CIAPIN1: variants seen among roughly 807,000 people sequenced by gnomAD.
The protein encoded by CIAPIN1 is cytokine induced apoptosis inhibitor 1, also known as anamorsin.
In CIAPIN1, 18 loss-of-function variants were observed where a neutral mutation model predicts 34.3. The observed-to-expected ratio is 0.52, with a 90% CI of 0.36 to 0.78. The LOEUF (loss-of-function observed/expected upper bound fraction) is 0.78. Among genes scored for constraint, CIAPIN1 ranks in the 30% least tolerant of loss-of-function variants. The probability of loss-of-function intolerance (pLI) is 0.00; values close to 1 mark genes in which losing one functional copy is unlikely to be tolerated. For synonymous variants in CIAPIN1, 131 were observed against 140.4 expected, an observed-to-expected ratio of 0.93 and a Z score of 0.47; for missense variants, 310 against 372.5, an observed-to-expected ratio of 0.83 and a Z score of 1.38.
intron 6 of CIAPIN1, 114 bp downstream of exon 6, chr16:57,432,373 A>G (rs919749166): frequency 2.5e-5 from 20 of 806,124 alleles, no homozygotes; most frequent in Admixed American, 1.6e-4. Flanking sequence ...GCATAGTCAC[A>G]AATCTGGGCT....
Position 57,437,691 on chromosome 16 carries a change from A to C in CIAPIN1, c.311-959T>G, listed in dbSNP as rs537637039. ...TAGGTGTGCACTACCACACTGGGCT[A>C]ATTTTTGTATTTTTTGTAGAGACGG... On this transcript the variant is annotated intron_variant, in intron 3 of 8. Coordinates refer to ENST00000394391, the MANE Select transcript of CIAPIN1 (RefSeq NM_020313.4). Among the ~76,000 whole-genome samples the C allele has an allele frequency of 1.4e-4, 21 of 151,736 alleles. No individual in the cohort carries two copies. The East Asian group carries it at 3.7e-3, about 27-fold the overall frequency.
intron 3 of CIAPIN1, among the ~76,000 whole-genome samples, 195 bp downstream of exon 3, chr16:57,438,987 C>T (rs1425097956): frequency 2.0e-5 from 3 of 152,186 alleles, no homozygotes; most frequent in African/African-American, 7.2e-5. Context: ...TATTTTATTA[C>T]ATAATGAGTC....
chr16:57,436,772 A>C (rs753593782), intron 3 of CIAPIN1, 40 bp from the exon 4 acceptor site: 2 of 1,542,152 alleles, frequency 1.3e-6, no homozygotes, highest in Non-Finnish European at 1.8e-6. Flanking sequence ...TTTATAGTTC[A>C]AAGTAGGAAA....
chr16:57,431,440 G>A (rs546509713), intron 6 of CIAPIN1, 174 bp from the exon 7 acceptor site: 21 of 503,642 alleles, frequency 4.2e-5, no homozygotes, highest in Admixed American at 2.3e-4. Flanking sequence ...AGAGGCCAAC[G>A]GTGAGTTAAA....
intron 1 of CIAPIN1, among the ~76,000 whole-genome samples, chr16:57,444,357 A>T (rs549466008): frequency 4.1e-4 from 63 of 152,194 alleles, no homozygotes; most frequent in Non-Finnish European, 8.5e-4. Flanking sequence ...TGGCACACAG[A>T]GCTCTGTAAA....
At chr16:57,445,823 AG>A (rs1254542941) in intron 1 of CIAPIN1, among the ~76,000 whole-genome samples, 6 of 148,574 alleles carry the variant, frequency 4.0e-5, no homozygotes, top group African/African-American at 1.5e-4. Flanking sequence ...ACTTAGACTA[AG>A]ACCTTAGAGG....
At chr16:57,435,214 C>T (rs570165244) in intron 4 of CIAPIN1, among the ~76,000 whole-genome samples, 5 of 152,132 alleles carry the variant, frequency 3.3e-5, no homozygotes, top group Non-Finnish European at 7.4e-5. Context: ...CTTTCTTGAT[C>T]CTGCTTTTGC....
At chr16:57,447,120 G>C (rs2030113382) in intron 1 of CIAPIN1, among the ~76,000 whole-genome samples, 1 of 152,224 alleles carries the variant, frequency 6.6e-6, no homozygotes, top group South Asian at 2.1e-4. Flanking sequence ...GGGAACGGCA[G>C]AAATTCCCAG....
chr16:57,440,543 C>T (rs1403285379), intron 2 of CIAPIN1, among the ~76,000 whole-genome samples: 7 of 152,122 alleles, frequency 4.6e-5, no homozygotes, highest in African/African-American at 1.7e-4. Flanking sequence ...TGTACTCTTT[C>T]CCTTTATTTC....
Position 57,436,735 on chromosome 16 carries a change from G to A in CIAPIN1, c.311-3C>T. ...TGTCTTCACTTTGCTATTGTTATCT[G>A]CCAAAAGGAAAATCCCAATTAATAG... On this transcript the variant is annotated splice_region_variant and splice_polypyrimidine_tract_variant and intron_variant, in intron 3 of 8. Transcript: ENST00000394391. The A allele has an allele frequency of 6.2e-7, 1 of 1,612,030 alleles. No homozygotes were observed. The highest frequency in any genetic ancestry group is 8.5e-7 in the Non-Finnish European group (1 of 1,178,542).
intron 4 of CIAPIN1, 128 bp downstream of exon 4, chr16:57,436,528 G>A (rs1344538556): frequency 1.1e-5 from 6 of 568,624 alleles, no homozygotes; most frequent in East Asian, 4.0e-5. Flanking sequence ...ACACCCGGCC[G>A]ATTCTCCCAA....
intron 7 of CIAPIN1, chr16:57,430,574 G>C (rs1903065205): frequency 1.1e-5 from 5 of 435,476 alleles, no homozygotes; most frequent in Non-Finnish European, 1.6e-5. Context: ...CACTACTCAA[G>C]CTTCAGCTGG....
chr16:57,442,751 C>T (rs1194752394), intron 1 of CIAPIN1, among the ~76,000 whole-genome samples: 2 of 152,184 alleles, frequency 1.3e-5, no homozygotes, highest in Admixed American at 6.5e-5. Context: ...AAATATTTAA[C>T]ACTCAAGCAT....
intron 1 of CIAPIN1, among the ~76,000 whole-genome samples, chr16:57,443,311 G>GT (rs1452939233): frequency 4.6e-5 from 7 of 151,942 alleles, no homozygotes; most frequent in Middle Eastern, 3.4e-3. Flanking sequence ...GTCTACTTTT[G>GT]TATTTTTTTA....
At chr16:57,432,674 A>G in intron 5 of CIAPIN1, 114 bp from the exon 6 acceptor site, 1 of 969,896 alleles carries the variant, frequency 1.0e-6, no homozygotes, top group Non-Finnish European at 1.5e-6. Context: ...CCTGGGAGGC[A>G]GAAGATGTGG....
At chr16:57,430,114 C>G in intron 8 of CIAPIN1, 144 bp downstream of exon 8, 2 of 684,078 alleles carry the variant, frequency 2.9e-6, no homozygotes, top group Non-Finnish European at 5.2e-6. Flanking sequence ...GACAGCCTCT[C>G]TCCCCATTAC....
At chr16:57,431,297 A>G (rs1903082031) in intron 6 of CIAPIN1, 31 bp from the exon 7 acceptor site, 1 of 1,451,682 alleles carries the variant, frequency 6.9e-7, no homozygotes, top group Non-Finnish European at 9.6e-7. Context: ...TGAGTGATAC[A>G]GTCGTGGTCT....
chr16:57,443,800 T>A (rs1366257088), intron 1 of CIAPIN1, among the ~76,000 whole-genome samples: 2 of 152,166 alleles, frequency 1.3e-5, no homozygotes, highest in African/African-American at 4.8e-5. Context: ...AACTGAAACT[T>A]TTAACTGGCA....
chr16:57,434,097 A>C lies in CIAPIN1; in HGVS notation c.503T>G (p.Val168Gly), dbSNP rs764144974. The change falls in exon 5 of 9, where the codon GTG (valine) becomes GGG (glycine). Residue 168 changes from valine (V) to glycine (G), a missense_variant. By Grantham distance (109) the Val-to-Gly change is moderately radical. Coordinates refer to ENST00000394391, the MANE Select transcript of CIAPIN1 (RefSeq NM_020313.4). ...AAGCTTAAGCTGCCTAGAAGAACCC[A>C]CTTCAAAGTTTGGTTTTTTGCCTGT... Reference protein sequence around the residue: ...QITGKKPNFEVGSSRQLKLSI... With the variant: ...QITGKKPNFEGGSSRQLKLSI... The C allele has an allele frequency of 2.5e-6, 4 of 1,614,188 alleles. No individual in the cohort carries two copies. Among genetic ancestry groups the C allele is most frequent in the Non-Finnish European group, 3.4e-6 (4 of 1,180,024 alleles).
Sources: gnomAD v4.1 joint callset for allele counts (sites outside exome capture counted in the v4.1 genomes callset) on GRCh38, gnomAD v4.1.1 for gene constraint, MANE v1.5 for transcripts, NCBI Gene and HGNC (gene_info 2026-07-23, HGNC 2026-07-21) for gene names.